PPP1R9A: variants seen among roughly 807,000 people sequenced by gnomAD.
PPP1R9A encodes neurabin-1.
PPP1R9A carries 59 observed loss-of-function variants against 141.9 expected under a neutral mutation model. The observed-to-expected ratio is 0.42, with a 90% CI of 0.34 to 0.52. The LOEUF is 0.52. PPP1R9A is among the 20% of genes least tolerant of loss of function. PPP1R9A has a pLI of 0.10. For missense variants in PPP1R9A, 1,444 were observed against 1,611.9 expected (o/e 0.90, Z 1.78); for synonymous variants, 500 against 569.7 (o/e 0.88, Z 1.74).
In PPP1R9A at chr7:95,058,569, A is replaced by G. The variant is rs1250329542; in HGVS notation, c.1396-52690A>G. On this transcript the variant is annotated intron_variant, in intron 2 of 19. Coordinates refer to ENST00000433360, the MANE Select transcript of PPP1R9A (RefSeq NM_001166160.2). ...ATTGTGGACTAGTTGCTAGAGAGGC[A>G]GGAAGAAGACGAGAAAGATATGTCA... Among the ~76,000 whole-genome samples the G allele has an allele frequency of 6.6e-5, 10 of 152,328 alleles. 2 individuals are homozygous for G. The highest frequency in any genetic ancestry group is 2.4e-4 in the African/African-American group (10 of 41,576).
At chr7:95,061,282 G>A (rs766106908) in intron 2 of PPP1R9A, among the ~76,000 whole-genome samples, 6 of 152,126 alleles carry the variant, frequency 3.9e-5, no homozygotes, top group Admixed American at 6.6e-5. Context: ...TTAAAAATAC[G>A]TGTATGAGCT....
chr7:95,065,345 G>T (rs900693078), intron 2 of PPP1R9A, among the ~76,000 whole-genome samples: 3 of 152,144 alleles, frequency 2.0e-5, no homozygotes, highest in Non-Finnish European at 4.4e-5. Flanking sequence ...GATTACAGGC[G>T]TGAGCCACTG....
chr7:95,070,585 A>T (rs1813623018), intron 2 of PPP1R9A, among the ~76,000 whole-genome samples: 2 of 140,126 alleles, frequency 1.4e-5, no homozygotes, highest in South Asian at 4.4e-4. Context: ...TTATTTTTTA[A>T]ATCTCTGGTA....
At chr7:94,956,286 G>A (rs1177943476) in intron 2 of PPP1R9A, among the ~76,000 whole-genome samples, 1 of 152,038 alleles carries the variant, frequency 6.6e-6, no homozygotes, top group East Asian at 1.9e-4. Flanking sequence ...AACATATTGA[G>A]TGTTAATATT....
At chr7:95,170,053 G>A (rs1357593179) in intron 5 of PPP1R9A, among the ~76,000 whole-genome samples, 1 of 151,636 alleles carries the variant, frequency 6.6e-6, no homozygotes, top group African/African-American at 2.4e-5. Context: ...TAAAAAGAAG[G>A]TTCTACTCCA....
At position 95,157,097 on chromosome 7, in the gene PPP1R9A, G is replaced by C. The variant is rs1379357645; in HGVS notation, c.1650-4770G>C. The C allele has an allele frequency of 2.6e-5, 4 of 152,660 alleles. No individual in the cohort carries two copies. The East Asian group carries it at 7.7e-4, about 29-fold the overall frequency. 9.5% of individuals were successfully genotyped at this position (152,660 alleles called of 1,614,324 possible). A position where few individuals can be genotyped will look rare whatever the true frequency, so the allele number is the denominator to read the frequency against. ...TTCTCTCAGGGATCTGCCCTCTTCT[G>C]CCCAAGTATCTGTCTGCCTCCCCCT... On this transcript the variant is annotated intron_variant, in intron 4 of 19. Transcript: ENST00000433360.
chr7:95,120,937 G>C, intron 4 of PPP1R9A, 105 bp downstream of exon 4: 2 of 1,404,298 alleles, frequency 1.4e-6, no homozygotes. Flanking sequence ...TTTTAGGATA[G>C]AATTTCAGGT....
At chr7:94,916,066 C>A (rs1186272203) in intron 2 of PPP1R9A, among the ~76,000 whole-genome samples, 1 of 152,168 alleles carries the variant, frequency 6.6e-6, no homozygotes, top group Admixed American at 6.5e-5. Context: ...TCATGTCTTA[C>A]TCCCAGCTTA....
chr7:94,937,831 T>C lies in PPP1R9A; in HGVS notation c.1395+26323T>C, dbSNP rs565376386. 1.2e-4 allele frequency among the ~76,000 whole-genome samples: 18 copies of C among 152,294 alleles called. 1 individual carries two copies. The South Asian group carries it at 3.7e-3, about 32-fold the overall frequency. ...TTATGGGAGATCCAGTTTTTTCCTC[T>C]GTAAAATGAAGATAGTATTCTATAT... is the stretch of plus-strand genomic sequence containing the variant. On this transcript the variant is annotated intron_variant, in intron 2 of 19. Transcript: ENST00000433360.
At chr7:95,107,506 T>C (rs964688792) in intron 2 of PPP1R9A, among the ~76,000 whole-genome samples, 1 of 152,130 alleles carries the variant, frequency 6.6e-6, no homozygotes, top group Non-Finnish European at 1.5e-5. Context: ...ACTTTTTATA[T>C]ATGTATATAT....
At chr7:95,074,476 T>G (rs914803207) in intron 2 of PPP1R9A, among the ~76,000 whole-genome samples, 13 of 109,182 alleles carry the variant, frequency 1.2e-4, no homozygotes, top group African/African-American at 4.6e-4. Flanking sequence ...TTTTTTTTTT[T>G]TTTGTTGTTT....
rs1469423093 is a variant in PPP1R9A at position 95,075,793 on chromosome 7, C to T, written c.1396-35466C>T. Among the ~76,000 whole-genome samples, 5 of 151,764 alleles carry T rather than the reference C, an allele frequency of 3.3e-5. 1 individual carries two copies. Among genetic ancestry groups the T allele is most frequent in the East Asian group, 2.0e-4 (1 of 5,126 alleles). ...CAGAGGTTGCAGTGAGCCGAGATCG[C>T]GCCACTGCACTCCAGCCTGGGCGAC... On this transcript the variant is annotated intron_variant, in intron 2 of 19. Coordinates refer to ENST00000433360, the MANE Select transcript of PPP1R9A (RefSeq NM_001166160.2).
chr7:95,275,293 A>C lies in PPP1R9A; in HGVS notation c.3296+1125A>C, dbSNP rs540467591. 2.6e-5 allele frequency among the ~76,000 whole-genome samples: 4 copies of C among 152,014 alleles called. No individual in the cohort carries two copies. The South Asian group carries it at 8.3e-4, about 32-fold the overall frequency. Reference sequence around the variant, plus strand: ...CGTGGTGGCGCACACCTGTAATCCCAGCTACTCGGGAGGCTGAGGCAGGAG... The same window carrying C: ...CGTGGTGGCGCACACCTGTAATCCCCGCTACTCGGGAGGCTGAGGCAGGAG... On this transcript the variant is annotated intron_variant, in intron 16 of 19. Transcript: ENST00000433360.
At chr7:94,966,508 T>C (rs1020799094) in intron 2 of PPP1R9A, among the ~76,000 whole-genome samples, 2 of 152,096 alleles carry the variant, frequency 1.3e-5, no homozygotes, top group South Asian at 2.1e-4. Flanking sequence ...CTTAGTTTAC[T>C]GAATTTTTAG....
chr7:95,198,803 G>GGT (rs1836667039), intron 6 of PPP1R9A, among the ~76,000 whole-genome samples: 1 of 152,106 alleles, frequency 6.6e-6, no homozygotes, highest in African/African-American at 2.4e-5. Context: ...GGTGGAATTG[G>GGT]GTGATTTTCT....
At chr7:95,020,699 A>G (rs1805822625) in intron 2 of PPP1R9A, among the ~76,000 whole-genome samples, 1 of 152,110 alleles carries the variant, frequency 6.6e-6, no homozygotes. Flanking sequence ...GAGTGAGAAC[A>G]TGTAGTGTTT....
In PPP1R9A at chr7:94,930,144, C is replaced by G. The variant is rs1429383790; in HGVS notation, c.1395+18636C>G. Among the ~76,000 whole-genome samples the G allele has an allele frequency of 2.0e-5, 3 of 152,082 alleles. No homozygotes were observed. The East Asian group carries it at 5.8e-4, about 30-fold the overall frequency. On this transcript the variant is annotated intron_variant, in intron 2 of 19. Transcript: ENST00000433360. ...AGGCTGTGGATCTGAGTGTTAGATC[C>G]AGGTATATATGTCATTGGGATACTG...
At chr7:95,188,010 T>C (rs933410233) in intron 5 of PPP1R9A, among the ~76,000 whole-genome samples, 1 of 152,188 alleles carries the variant, frequency 6.6e-6, no homozygotes, top group Admixed American at 6.5e-5. Context: ...TCTAAATATC[T>C]GTTAAGTCCA....
intron 13 of PPP1R9A, among the ~76,000 whole-genome samples, chr7:95,268,998 G>A (rs907062150): frequency 3.3e-5 from 5 of 152,120 alleles, no homozygotes; most frequent in Admixed American, 3.3e-4. Flanking sequence ...GAACGTACAA[G>A]TAATTGTTTC....
Sources: allele counts gnomAD v4.1 joint callset (sites outside exome capture counted in the v4.1 genomes callset), GRCh38; gene constraint gnomAD v4.1.1; transcripts MANE v1.5; gene names NCBI Gene and HGNC (gene_info 2026-07-23, HGNC 2026-07-21).